GALNTL6: variants seen among roughly 807,000 people sequenced by gnomAD.
GALNTL6 encodes polypeptide N-acetylgalactosaminyltransferase-like 6.
In GALNTL6, 46 loss-of-function variants were observed where a neutral mutation model predicts 73.7. The ratio of observed to expected loss-of-function variants is 0.62; its 90% CI spans 0.49 to 0.80. The LOEUF is 0.80. Among genes scored for constraint, GALNTL6 ranks in the 30% least tolerant of loss-of-function variants. The probability of loss-of-function intolerance (pLI) is 0.00; values close to 1 mark genes in which losing one functional copy is unlikely to be tolerated. For missense variants in GALNTL6, 604 were observed against 755.0 expected, an observed-to-expected ratio of 0.80 and a Z score of 2.34; for synonymous variants, 259 against 263.7, an observed-to-expected ratio of 0.98 and a Z score of 0.17.
intron 5 of GALNTL6, among the ~76,000 whole-genome samples, chr4:172,647,925 G>T (rs1294631809): frequency 6.6e-6 from 1 of 152,236 alleles, no homozygotes; most frequent in Non-Finnish European, 1.5e-5. Context: ...TCAGACACTT[G>T]TCAAGGAAGC....
intron 5 of GALNTL6, among the ~76,000 whole-genome samples, chr4:172,443,647 A>G (rs1731919358): frequency 6.6e-6 from 1 of 152,184 alleles, no homozygotes; most frequent in Admixed American, 6.6e-5. Flanking sequence ...AACAAGGTTT[A>G]CTATGAAGTC....
chr4:171,869,825 C>G (rs1302400479), intron 2 of GALNTL6, among the ~76,000 whole-genome samples: 1 of 152,008 alleles, frequency 6.6e-6, no homozygotes, highest in Non-Finnish European at 1.5e-5. Flanking sequence ...TCAGGGTTTC[C>G]CCTTCTGCTT....
At chr4:172,485,363 T>C (rs1322135890) in intron 5 of GALNTL6, among the ~76,000 whole-genome samples, 1 of 152,112 alleles carries the variant, frequency 6.6e-6, no homozygotes, top group Non-Finnish European at 1.5e-5. Context: ...TAATAAGCTA[T>C]AATGAGATAG....
intron 2 of GALNTL6, among the ~76,000 whole-genome samples, chr4:172,205,310 A>G (rs971651758): frequency 6.6e-6 from 1 of 152,246 alleles, no homozygotes; most frequent in African/African-American, 2.4e-5. Context: ...CAAATTTAGT[A>G]TAGAAAAGTC....
At chr4:172,707,315 G>T (rs1233842551) in intron 5 of GALNTL6, among the ~76,000 whole-genome samples, 2 of 152,174 alleles carry the variant, frequency 1.3e-5, no homozygotes, top group East Asian at 3.9e-4. Flanking sequence ...GGCATGTAGT[G>T]TTTGTTGTAG....
At chr4:172,204,505 C>G (rs1736049654) in intron 2 of GALNTL6, among the ~76,000 whole-genome samples, 1 of 152,088 alleles carries the variant, frequency 6.6e-6, no homozygotes, top group African/African-American at 2.4e-5. Flanking sequence ...TGTCTTTTAT[C>G]TCAATTATAA....
chr4:172,274,716 A>G (rs1241453688), intron 3 of GALNTL6, among the ~76,000 whole-genome samples: 1 of 152,186 alleles, frequency 6.6e-6, no homozygotes, highest in African/African-American at 2.4e-5. Flanking sequence ...GTTTACTGTC[A>G]ATTGCAACAG....
intron 5 of GALNTL6, among the ~76,000 whole-genome samples, chr4:172,611,802 T>C (rs973769199): frequency 3.3e-5 from 5 of 152,032 alleles, no homozygotes; most frequent in Non-Finnish European, 7.4e-5. Flanking sequence ...CCCTGTGAAG[T>C]TTTCAAGGGT....
intron 2 of GALNTL6, among the ~76,000 whole-genome samples, chr4:171,839,456 A>C (rs1735186612): frequency 6.6e-6 from 1 of 152,140 alleles, no homozygotes; most frequent in African/African-American, 2.4e-5. Flanking sequence ...GTTACACTTC[A>C]TAAATTTATG....
intron 2 of GALNTL6, among the ~76,000 whole-genome samples, chr4:172,084,541 C>T (rs1731970708): frequency 6.6e-6 from 1 of 152,188 alleles, no homozygotes; most frequent in African/African-American, 2.4e-5. Context: ...GGTGTGATCA[C>T]AAACTGCTCT....
At chr4:172,319,559 T>G (rs1348926418) in intron 4 of GALNTL6, among the ~76,000 whole-genome samples, 1 of 152,210 alleles carries the variant, frequency 6.6e-6, no homozygotes, top group Non-Finnish European at 1.5e-5. Flanking sequence ...AAAAACTGTC[T>G]CTATAAATTT....
intron 2 of GALNTL6, among the ~76,000 whole-genome samples, chr4:172,214,336 G>T (rs1219862283): frequency 6.6e-6 from 1 of 151,888 alleles, no homozygotes; most frequent in Non-Finnish European, 1.5e-5. Context: ...AAAATAGCTT[G>T]TCAGGATTTT....
chr4:172,439,303 A>AC (rs904758934), intron 5 of GALNTL6, among the ~76,000 whole-genome samples: 3 of 151,212 alleles, frequency 2.0e-5, no homozygotes, highest in South Asian at 2.1e-4. Flanking sequence ...ATCACCAGTG[A>AC]CCCCCCACAT....
chr4:172,143,292 T>C (rs1172027000), intron 2 of GALNTL6, among the ~76,000 whole-genome samples: 3 of 152,178 alleles, frequency 2.0e-5, no homozygotes, highest in Non-Finnish European at 2.9e-5. Context: ...ATATAGGAAA[T>C]CTATCTTTTG....
chr4:172,082,930 T>C (rs776995277), intron 2 of GALNTL6, among the ~76,000 whole-genome samples: 3 of 152,144 alleles, frequency 2.0e-5, no homozygotes, highest in Admixed American at 6.5e-5. Flanking sequence ...CTCCTCTTCA[T>C]TGTTTGTACT....
At chr4:172,851,432 A>G (rs1315643474) in intron 7 of GALNTL6, among the ~76,000 whole-genome samples, 2 of 151,830 alleles carry the variant, frequency 1.3e-5, no homozygotes, top group African/African-American at 4.8e-5. Context: ...ACACACACAT[A>G]TATATATCAC....
intron 11 of GALNTL6, 62 bp downstream of exon 11, chr4:173,009,356 G>T: frequency 1.0e-6 from 1 of 977,008 alleles, no homozygotes; most frequent in South Asian, 1.3e-5. Context: ...CAGACACAGA[G>T]GGATGCAGCT....
chr4:172,064,655 C>T (rs1731304994), intron 2 of GALNTL6, among the ~76,000 whole-genome samples: 1 of 152,068 alleles, frequency 6.6e-6, no homozygotes, highest in Non-Finnish European at 1.5e-5. Context: ...GGGATTGCCC[C>T]CTCCTTGTCA....
chr4:172,002,664 G>A (rs183640915), intron 2 of GALNTL6, among the ~76,000 whole-genome samples: 7 of 152,040 alleles, frequency 4.6e-5, no homozygotes, highest in Non-Finnish European at 7.4e-5. Flanking sequence ...TCTTGGGTTC[G>A]GTTCAAATCC....
Sources: gnomAD v4.1 joint callset for allele counts (sites outside exome capture counted in the v4.1 genomes callset) on GRCh38, gnomAD v4.1.1 for gene constraint, MANE v1.5 for transcripts, NCBI Gene and HGNC (gene_info 2026-07-23, HGNC 2026-07-21) for gene names.